RORA: variants seen among roughly 807,000 people sequenced by gnomAD.
The protein encoded by RORA is RAR related orphan receptor A, also known as nuclear receptor ROR-alpha.
RORA carries 7 observed loss-of-function variants against 69.5 expected under a neutral mutation model. That is an observed-to-expected ratio of 0.10 (90% confidence interval 0.06 to 0.19). The LOEUF (loss-of-function observed/expected upper bound fraction) is 0.19. RORA is among the 10% of genes least tolerant of loss of function. The pLI is 1.00. For missense variants in RORA, 457 were observed against 663.0 expected, an observed-to-expected ratio of 0.69 and a Z score of 3.41; for synonymous variants, 261 against 240.8, an observed-to-expected ratio of 1.08 and a Z score of -0.78.
At chr15:60,736,391 GC>G (rs1365204116) in intron 1 of RORA, among the ~76,000 whole-genome samples, 1 of 152,120 alleles carries the variant, frequency 6.6e-6, no homozygotes, top group African/African-American at 2.4e-5. Context: ...AATCAGGAAG[GC>G]CCTTCAGCTT....
chr15:61,093,463 G>A (rs2078739721), intron 1 of RORA, among the ~76,000 whole-genome samples: 1 of 152,208 alleles, frequency 6.6e-6, no homozygotes, highest in African/African-American at 2.4e-5. Context: ...TATGCCTGGA[G>A]ATACAGACCA....
intron 4 of RORA, chr15:60,512,047 A>G (rs563139031): frequency 5.8e-6 from 1 of 173,406 alleles, no homozygotes; most frequent in South Asian, 1.5e-4. Context: ...TTCATCAAGG[A>G]ATAAGCAGTC....
At chr15:60,645,640 G>T (rs1441754971) in intron 2 of RORA, among the ~76,000 whole-genome samples, 1 of 152,044 alleles carries the variant, frequency 6.6e-6, no homozygotes, top group Non-Finnish European at 1.5e-5. Context: ...TGATCCACCC[G>T]CCTCAGCCTC....
intron 1 of RORA, among the ~76,000 whole-genome samples, chr15:60,691,207 T>A (rs1399991925): frequency 6.6e-6 from 1 of 152,172 alleles, no homozygotes; most frequent in Non-Finnish European, 1.5e-5. Flanking sequence ...AGCTCTCATC[T>A]CCTGCTAGAA....
chr15:60,826,755 CT>C (rs1232795042), intron 1 of RORA, among the ~76,000 whole-genome samples: 3 of 90,654 alleles, frequency 3.3e-5, no homozygotes. Context: ...CTCTCTCTCT[CT>C]CTCTCTCTCC....
intron 2 of RORA, among the ~76,000 whole-genome samples, chr15:60,554,407 A>G (rs1567082882): frequency 6.6e-6 from 1 of 152,218 alleles, no homozygotes. Context: ...TTGGCACTAA[A>G]AAAAAATCAG....
At chr15:60,769,246 T>G (rs1432342672) in intron 1 of RORA, among the ~76,000 whole-genome samples, 3 of 152,222 alleles carry the variant, frequency 2.0e-5, no homozygotes, top group African/African-American at 7.2e-5. Flanking sequence ...AAAGTAAATG[T>G]GCAAACTGCT....
intron 1 of RORA, among the ~76,000 whole-genome samples, chr15:60,774,865 A>G (rs2072138804): frequency 6.6e-6 from 1 of 152,224 alleles, no homozygotes; most frequent in Non-Finnish European, 1.5e-5. Flanking sequence ...ATTCTATTAC[A>G]AAACAACCAT....
At chr15:60,607,229 T>C (rs2068967660) in intron 2 of RORA, among the ~76,000 whole-genome samples, 1 of 152,210 alleles carries the variant, frequency 6.6e-6, no homozygotes, top group Non-Finnish European at 1.5e-5. Flanking sequence ...GTGCATCCTG[T>C]ATTACAGCAT....
chr15:60,654,441 C>G (rs974802590), intron 2 of RORA, among the ~76,000 whole-genome samples: 1 of 152,158 alleles, frequency 6.6e-6, no homozygotes, highest in African/African-American at 2.4e-5. Flanking sequence ...AAACCCATCC[C>G]ACTTCTCCCT....
chr15:60,726,678 C>T (rs1834335), intron 1 of RORA, among the ~76,000 whole-genome samples: 8,240 of 152,254 alleles, frequency 0.054, 305 homozygotes, highest in East Asian at 0.16. Context: ...GCTGCAGACG[C>T]GCCACTGTGT....
At chr15:61,141,259 T>C (rs951414371) in intron 1 of RORA, among the ~76,000 whole-genome samples, 1 of 152,234 alleles carries the variant, frequency 6.6e-6, no homozygotes, top group Admixed American at 6.5e-5. Context: ...CTTCAACCTA[T>C]GTTACTGAGA....
intron 2 of RORA, among the ~76,000 whole-genome samples, chr15:60,571,990 C>T (rs1239409430): frequency 6.6e-6 from 1 of 152,206 alleles, no homozygotes; most frequent in Non-Finnish European, 1.5e-5. Flanking sequence ...GAACGTACTG[C>T]AGAGCACATA....
At position 61,128,051 on chromosome 15, in the gene RORA, G is replaced by GA. The variant is rs2079158195; in HGVS notation, c.166+101001dup. The stretch of plus-strand genomic sequence containing the variant: ...TACCCATAGGATTTTAAATCTGGAG[G>GA]AAAAAAACAAGGGAAGGAGAAAGGG... On this transcript the variant is annotated intron_variant, in intron 1 of 10. Transcript: ENST00000335670. This position sits in a 1 kb window ranked among gnomAD's most constrained non-coding sequence, Gnocchi z 4.5. Among the ~76,000 whole-genome samples, 1 of 151,916 alleles carries GA rather than the reference G, an allele frequency of 6.6e-6. No individual in the cohort carries two copies. Among genetic ancestry groups the GA allele is most frequent in the South Asian group, 2.1e-4 (1 of 4,822 alleles).
intron 1 of RORA, among the ~76,000 whole-genome samples, chr15:61,004,753 G>A (rs940844407): frequency 9.2e-5 from 14 of 152,110 alleles, no homozygotes; most frequent in Admixed American, 7.9e-4. Flanking sequence ...ACACACACCT[G>A]CAAACGTTGC....
rs991735158 is a variant in RORA, at chr15:60,490,111, G to A, written c.*7344C>T. 5.3e-5 allele frequency: 8 copies of A among 151,472 alleles called. No homozygotes were observed. The highest frequency in any genetic ancestry group is 1.0e-4 in the Non-Finnish European group (7 of 67,842). The allele number at this position is 151,472 out of a possible 1,614,324, so 9.4% of individuals were successfully genotyped here. On this transcript the variant is annotated 3_prime_UTR_variant, in exon 11 of 11. Coordinates refer to ENST00000335670, the MANE Select transcript of RORA (RefSeq NM_134261.3). The surrounding 1 kb of genome is among the most constrained non-coding windows in gnomAD (Gnocchi z 4.1). ...ATTATGTATTTAAAGAGAAAAGCATGTCCCAAATCCAGCACTCTGATACAG... is the reference window on the plus strand; with the variant it reads ...ATTATGTATTTAAAGAGAAAAGCATATCCCAAATCCAGCACTCTGATACAG...
chr15:60,773,888 A>C (rs17204440), intron 1 of RORA, among the ~76,000 whole-genome samples: 59,732 of 152,190 alleles, frequency 0.39, 13,425 homozygotes, highest in Non-Finnish European at 0.5. Flanking sequence ...GTTTTTGAAA[A>C]GGTGTGCTTC....
At chr15:61,224,223 A>T (rs1298114900) in intron 1 of RORA, among the ~76,000 whole-genome samples, 1 of 152,266 alleles carries the variant, frequency 6.6e-6, no homozygotes, top group Non-Finnish European at 1.5e-5. Context: ...GGAATCTGTG[A>T]GCGAGCAGAT....
chr15:60,938,741 A>T (rs78836242), intron 1 of RORA, among the ~76,000 whole-genome samples: 28 of 151,902 alleles, frequency 1.8e-4, no homozygotes, highest in East Asian at 5.8e-4. Flanking sequence ...TCTAAAAAAA[A>T]TTTTTTTTAA....
Sources: allele counts gnomAD v4.1 joint callset (sites outside exome capture counted in the v4.1 genomes callset), GRCh38; gene constraint gnomAD v4.1.1; non-coding constraint Gnocchi (gnomAD v3.1); transcripts MANE v1.5; gene names NCBI Gene and HGNC (gene_info 2026-07-23, HGNC 2026-07-21).